TNIK: variants seen among roughly 807,000 people sequenced by gnomAD.
TNIK encodes TRAF2 and NCK-interacting protein kinase.
A neutral mutation model predicts 191.3 loss-of-function variants in TNIK; 49 were observed. That is an observed-to-expected ratio of 0.26 (90% CI 0.20 to 0.32). TNIK has a LOEUF of 0.32. Among genes scored for constraint, TNIK ranks in the 10% least tolerant of loss-of-function variants. TNIK has a pLI of 1.00. For synonymous variants in TNIK, 594 were observed against 600.9 expected (o/e 0.99, Z 0.17); for missense variants, 1,155 against 1,702.3 (o/e 0.68, Z 5.66).
intron 22 of TNIK, among the ~76,000 whole-genome samples, chr3:171,100,890 A>G (rs958037316): frequency 1.3e-5 from 2 of 152,136 alleles, no homozygotes; most frequent in Non-Finnish European, 2.9e-5. Context: ...ATGGATCCAG[A>G]AAAAGAAGCC....
At chr3:171,158,589 T>G (rs1733539407) in intron 11 of TNIK, among the ~76,000 whole-genome samples, 1 of 152,194 alleles carries the variant, frequency 6.6e-6, no homozygotes, top group Admixed American at 6.5e-5. Context: ...CCATTTGAAA[T>G]AAATCTATTA....
At chr3:171,391,892 T>C (rs1719558645) in intron 1 of TNIK, among the ~76,000 whole-genome samples, 1 of 152,198 alleles carries the variant, frequency 6.6e-6, no homozygotes, top group Non-Finnish European at 1.5e-5. Flanking sequence ...TCCAAAAATA[T>C]TTATTTCTGT....
intron 1 of TNIK, among the ~76,000 whole-genome samples, chr3:171,431,008 T>C (rs1320643885): frequency 6.6e-6 from 1 of 152,172 alleles, no homozygotes; most frequent in Non-Finnish European, 1.5e-5. Context: ...CATTATGCTT[T>C]GAAGAAACCC....
intron 22 of TNIK, among the ~76,000 whole-genome samples, chr3:171,100,490 A>T (rs1267323950): frequency 1.3e-5 from 2 of 152,146 alleles, no homozygotes; most frequent in Non-Finnish European, 1.5e-5. Flanking sequence ...TTGTGGCCTG[A>T]AATGGCTTCT....
At position 171,159,263 on chromosome 3, in the gene TNIK, A is replaced by G. The variant is rs1383463793; in HGVS notation, c.1017-1599T>C. ...CACGAAGCCTGTGGACAGATCTGAC[A>G]TGTGGAGTGAGGGATGACTTGCAGG... On this transcript the variant is annotated intron_variant, in intron 11 of 32. Coordinates refer to ENST00000436636, the MANE Select transcript of TNIK (RefSeq NM_015028.4). The surrounding 1 kb of genome is among the most constrained non-coding windows in gnomAD (Gnocchi z 4.1). Among the ~76,000 whole-genome samples, 1 of 151,258 alleles carries G rather than the reference A, an allele frequency of 6.6e-6. No homozygotes were observed. The highest frequency in any genetic ancestry group is 1.5e-5 in the Non-Finnish European group (1 of 67,778).
At chr3:171,262,631 T>C (rs1212267587) in intron 2 of TNIK, among the ~76,000 whole-genome samples, 1 of 152,158 alleles carries the variant, frequency 6.6e-6, no homozygotes, top group East Asian at 1.9e-4. Context: ...TAAAGCACTG[T>C]GGAAAGCAGT....
At chr3:171,125,686 C>T (rs930216161) in intron 17 of TNIK, among the ~76,000 whole-genome samples, 1 of 152,130 alleles carries the variant, frequency 6.6e-6, no homozygotes, top group Non-Finnish European at 1.5e-5. Flanking sequence ...AGGATCTGTG[C>T]TTCAATCTAC....
At chr3:171,312,124 A>G in intron 2 of TNIK, among the ~76,000 whole-genome samples, 1 of 145,062 alleles carries the variant, frequency 6.9e-6, no homozygotes, top group East Asian at 2.0e-4. Flanking sequence ...AAAAAAAAAA[A>G]AAAAAAAAAA....
chr3:171,122,188 C>A (rs573682533), intron 18 of TNIK, among the ~76,000 whole-genome samples: 28 of 152,156 alleles, frequency 1.8e-4, no homozygotes, highest in Admixed American at 3.9e-4. Context: ...AGGAAAAATA[C>A]TTAAAGTTGA....
intron 28 of TNIK, among the ~76,000 whole-genome samples, chr3:171,075,885 C>T (rs148199830): frequency 6.6e-6 from 1 of 152,092 alleles, no homozygotes; most frequent in African/African-American, 2.4e-5. Flanking sequence ...TACAGGTGCC[C>T]ATCACCATGC....
intron 11 of TNIK, 92 bp downstream of exon 11, chr3:171,161,178 A>G: frequency 2.2e-6 from 3 of 1,389,628 alleles, no homozygotes; most frequent in Non-Finnish European, 3.0e-6. Context: ...GTGGATTCTT[A>G]AAAACGAACC....
At chr3:171,079,749 G>A in intron 27 of TNIK, 97 bp from the exon 28 acceptor site, 1 of 1,346,488 alleles carries the variant, frequency 7.4e-7, no homozygotes, top group South Asian at 1.6e-5. Flanking sequence ...TTATTTACGT[G>A]TGTGTGTGTG....
At position 171,438,542 on chromosome 3, in the gene TNIK, T is replaced by C. The variant is rs1323116655; in HGVS notation, c.57+21465A>G. ...AATGTAAACAAGTCACTTGAGAAAG[T>C]GTCTTAAGTTCCTGCCCTTAAGAAG... On this transcript the variant is annotated intron_variant, in intron 1 of 32. Coordinates refer to ENST00000436636, the MANE Select transcript of TNIK (RefSeq NM_015028.4). 2.0e-5 allele frequency among the ~76,000 whole-genome samples: 3 copies of C among 152,236 alleles called. No individual in the cohort carries two copies. In the East Asian group the frequency reaches 5.8e-4, roughly 29 times the overall value.
chr3:171,457,240 G>A (rs773454939), intron 1 of TNIK, among the ~76,000 whole-genome samples: 11 of 152,300 alleles, frequency 7.2e-5, no homozygotes, highest in Middle Eastern at 3.4e-3. Flanking sequence ...TTTAAATTAT[G>A]CATTGTTGCT....
intron 1 of TNIK, among the ~76,000 whole-genome samples, chr3:171,381,010 A>G (rs1224003330): frequency 2.6e-5 from 4 of 151,494 alleles, no homozygotes; most frequent in Non-Finnish European, 5.9e-5. Flanking sequence ...ACCAATACCA[A>G]CTCTTATAAA....
At chr3:171,284,490 G>A (rs572953685) in intron 2 of TNIK, among the ~76,000 whole-genome samples, 6 of 152,080 alleles carry the variant, frequency 3.9e-5, no homozygotes, top group East Asian at 3.9e-4. Context: ...TCATCAGTCC[G>A]TCTTTAGAAC....
intron 2 of TNIK, among the ~76,000 whole-genome samples, chr3:171,339,697 T>C (rs1484081269): frequency 1.3e-5 from 2 of 152,214 alleles, no homozygotes; most frequent in South Asian, 2.1e-4. Flanking sequence ...TCTTAAGACA[T>C]CTAAGCAGAC....
At chr3:171,347,477 T>G (rs1015504922) in intron 2 of TNIK, among the ~76,000 whole-genome samples, 1 of 151,836 alleles carries the variant, frequency 6.6e-6, no homozygotes. Context: ...CTAGCCCAAA[T>G]GACTTCTTCT....
chr3:171,419,636 C>T (rs904088947), intron 1 of TNIK, among the ~76,000 whole-genome samples: 1 of 152,188 alleles, frequency 6.6e-6, no homozygotes, highest in African/African-American at 2.4e-5. Flanking sequence ...AGCTGTGTAA[C>T]CTTGGGCCAG....
Sources: gnomAD v4.1 joint callset for allele counts (sites outside exome capture counted in the v4.1 genomes callset) on GRCh38, gnomAD v4.1.1 for gene constraint, Gnocchi (gnomAD v3.1) non-coding constraint, MANE v1.5 for transcripts, NCBI Gene and HGNC (gene_info 2026-07-23, HGNC 2026-07-21) for gene names.